The following DGKB variants were observed in gnomAD, a reference collection of about 807,000 sequenced individuals.
The protein encoded by DGKB is 90 kDa diacylglycerol kinase.
In DGKB, 67 loss-of-function variants were observed where a neutral mutation model predicts 114.3. That is an observed-to-expected ratio of 0.59 (90% CI 0.48 to 0.72). The LOEUF (loss-of-function observed/expected upper bound fraction) is 0.72. DGKB is among the 30% of genes least tolerant of loss of function. DGKB has a pLI of 0.00. For missense variants in DGKB, 907 were observed against 975.2 expected (o/e 0.93, Z 0.93); for synonymous variants, 398 against 323.1 (o/e 1.23, Z -2.49).
At position 14,582,979 on chromosome 7, in the gene DGKB, T is replaced by C. The variant is rs975629607; in HGVS notation, c.1519+73A>G. ...CTTCCAAAGATAATGATACAAGCAA[T>C]AGACACATAGATGAAACAGGATTTA... On this transcript the variant is annotated intron_variant, in intron 18 of 25. Coordinates refer to ENST00000402815, the MANE Select transcript of DGKB (RefSeq NM_001350709.2). The C allele has an allele frequency of 3.1e-6, 3 of 952,986 alleles. No homozygotes were observed. The Admixed American group carries it at 5.5e-5, about 17-fold the overall frequency. 59.0% of individuals were successfully genotyped at this position (952,986 alleles called of 1,614,324 possible).
intron 12 of DGKB, among the ~76,000 whole-genome samples, chr7:14,676,289 T>C (rs1384865438): frequency 6.6e-6 from 1 of 152,122 alleles, no homozygotes. Flanking sequence ...TAAATGCCTT[T>C]CTGTATGTAC....
chr7:14,947,075 TA>T (rs550096984), intron 1 of DGKB, among the ~76,000 whole-genome samples: 61 of 151,210 alleles, frequency 4.0e-4, no homozygotes, highest in South Asian at 1.7e-3. Flanking sequence ...AGGGAGAAAA[TA>T]AAAAAAAGAA....
At chr7:14,767,085 G>A (rs1201856487) in intron 2 of DGKB, among the ~76,000 whole-genome samples, 1 of 151,060 alleles carries the variant, frequency 6.6e-6, no homozygotes, top group East Asian at 1.9e-4. Flanking sequence ...TGCCATAGAA[G>A]GAAAGAATTT....
intron 23 of DGKB, among the ~76,000 whole-genome samples, chr7:14,285,064 T>C (rs1219352403): frequency 1.3e-5 from 2 of 152,110 alleles, no homozygotes; most frequent in Non-Finnish European, 2.9e-5. Context: ...AAAATTATAC[T>C]GCTAAACCTT....
intron 1 of DGKB, among the ~76,000 whole-genome samples, chr7:14,924,948 C>T (rs925974704): frequency 1.3e-5 from 2 of 152,144 alleles, no homozygotes; most frequent in African/African-American, 2.4e-5. Context: ...CTGTCCCCAA[C>T]CTGGCAACCA....
At chr7:14,797,412 A>G (rs554758290) in intron 2 of DGKB, among the ~76,000 whole-genome samples, 160 of 152,232 alleles carry the variant, frequency 1.1e-3, no homozygotes, top group African/African-American at 3.7e-3. Flanking sequence ...AAAATAATTC[A>G]CTCACAAATA....
chr7:14,254,490 A>G (rs1375427591), intron 23 of DGKB, among the ~76,000 whole-genome samples: 1 of 152,194 alleles, frequency 6.6e-6, no homozygotes, highest in Non-Finnish European at 1.5e-5. Context: ...TTCAACTCAG[A>G]TATACACTAG....
intron 20 of DGKB, among the ~76,000 whole-genome samples, chr7:14,519,831 A>G (rs933386677): frequency 6.6e-6 from 1 of 151,884 alleles, no homozygotes; most frequent in Non-Finnish European, 1.5e-5. Flanking sequence ...TCATTTTCTT[A>G]TTAGCATTTA....
At chr7:14,254,277 C>T (rs1042525438) in intron 23 of DGKB, among the ~76,000 whole-genome samples, 14 of 152,166 alleles carry the variant, frequency 9.2e-5, no homozygotes, top group African/African-American at 3.4e-4. Flanking sequence ...TCTTCACATC[C>T]TCAATCCAAC....
chr7:14,874,897 G>A (rs950246407), intron 1 of DGKB, among the ~76,000 whole-genome samples: 1 of 152,060 alleles, frequency 6.6e-6, no homozygotes, highest in Non-Finnish European at 1.5e-5. Flanking sequence ...GGAAAAAACA[G>A]CTTTACAGTA....
In DGKB at chr7:14,745,752, A is replaced by G. The variant is rs546934588; in HGVS notation, c.168+8176T>C. On this transcript the variant is annotated intron_variant, in intron 4 of 25. Transcript: ENST00000402815. Reference sequence around the variant, plus strand: ...GTGTGCAGGACCCCTCTCTTTTCTGAGCACTTTCCTTTCACTTAATAAATT... The same window carrying G: ...GTGTGCAGGACCCCTCTCTTTTCTGGGCACTTTCCTTTCACTTAATAAATT... Among the ~76,000 whole-genome samples the G allele has an allele frequency of 5.9e-5, 9 of 151,830 alleles. No homozygotes were observed. The East Asian group carries it at 1.6e-3, about 26-fold the overall frequency.
intron 23 of DGKB, among the ~76,000 whole-genome samples, chr7:14,268,472 T>C (rs1797835508): frequency 6.6e-6 from 1 of 152,190 alleles, no homozygotes; most frequent in Admixed American, 6.5e-5. Flanking sequence ...AGGTTATTGA[T>C]TTAGAATTCA....
intron 25 of DGKB, among the ~76,000 whole-genome samples, chr7:14,158,510 G>C (rs1456477985): frequency 6.6e-6 from 1 of 152,156 alleles, no homozygotes; most frequent in East Asian, 1.9e-4. Context: ...CTTCTTTAAT[G>C]GCCCAATTTC....
chr7:14,701,507 A>G (rs1272207946), intron 7 of DGKB, among the ~76,000 whole-genome samples, 174 bp downstream of exon 7: 4 of 152,210 alleles, frequency 2.6e-5, no homozygotes, highest in African/African-American at 9.6e-5. Context: ...TTGTAATCCC[A>G]ACAGTTTCCT....
chr7:14,222,703 C>T (rs1001498240), intron 23 of DGKB, among the ~76,000 whole-genome samples: 6 of 151,414 alleles, frequency 4.0e-5, no homozygotes, highest in Non-Finnish European at 8.9e-5. Flanking sequence ...TTCCAATGTT[C>T]TATTTCCTTG....
chr7:14,735,063 C>T (rs1025384620), intron 5 of DGKB, among the ~76,000 whole-genome samples: 8 of 152,210 alleles, frequency 5.3e-5, no homozygotes, highest in Non-Finnish European at 8.8e-5. Context: ...TCTCTACCTG[C>T]AGACTCTAAA....
At chr7:14,166,885 C>G (rs530984464) in intron 25 of DGKB, among the ~76,000 whole-genome samples, 5 of 152,134 alleles carry the variant, frequency 3.3e-5, no homozygotes, top group African/African-American at 1.2e-4. Flanking sequence ...AAGAAGGGCC[C>G]TACAGATCAG....
At chr7:14,768,997 A>G (rs1186072402) in intron 2 of DGKB, among the ~76,000 whole-genome samples, 1 of 151,626 alleles carries the variant, frequency 6.6e-6, no homozygotes, top group African/African-American at 2.4e-5. Context: ...TTTATGATGT[A>G]TCTTAGCCGT....
intron 20 of DGKB, among the ~76,000 whole-genome samples, chr7:14,504,562 A>G (rs10256038): frequency 0.41 from 62,757 of 151,948 alleles, 13,240 homozygotes; most frequent in Admixed American, 0.48. Context: ...CTTGAGATGC[A>G]TGATTACTAA....
Sources: allele counts gnomAD v4.1 joint callset (sites outside exome capture counted in the v4.1 genomes callset), GRCh38; gene constraint gnomAD v4.1.1; transcripts MANE v1.5; gene names NCBI Gene and HGNC (gene_info 2026-07-23, HGNC 2026-07-21).